The following SPPL2A variants were observed in gnomAD, a reference collection of about 807,000 sequenced individuals.
The protein encoded by SPPL2A is signal peptide peptidase-like 2A.
A neutral mutation model predicts 63.8 loss-of-function variants in SPPL2A; 51 were observed. The observed-to-expected ratio is 0.80, with a 90% CI of 0.64 to 1.01. The LOEUF is 1.01. Ranked by LOEUF, SPPL2A falls within the 50% of genes least tolerant of loss-of-function variation. The probability of loss-of-function intolerance (pLI) is 0.00; values close to 1 mark genes in which losing one functional copy is unlikely to be tolerated. For synonymous variants in SPPL2A, 188 were observed against 205.8 expected (o/e 0.91, Z 0.74); for missense variants, 553 against 622.7 (o/e 0.89, Z 1.19).
intron 8 of SPPL2A, 114 bp downstream of exon 8, chr15:50,735,987 A>T (rs1225322721): frequency 4.7e-6 from 3 of 633,522 alleles, no homozygotes; most frequent in African/African-American, 1.8e-5. Context: ...TCATTACAAG[A>T]CTGGTGTTCT....
intron 3 of SPPL2A, 118 bp from the exon 4 acceptor site, chr15:50,748,320 T>A: frequency 2.1e-6 from 1 of 465,572 alleles, no homozygotes; most frequent in Non-Finnish European, 3.7e-6. Flanking sequence ...AAATTTCAGG[T>A]ATTCTTTCTT....
intron 1 of SPPL2A, among the ~76,000 whole-genome samples, chr15:50,754,252 C>A (rs770602454): frequency 3.3e-5 from 5 of 152,156 alleles, no homozygotes; most frequent in Admixed American, 6.6e-5. Flanking sequence ...TTTGTTACAA[C>A]TGATGAACCT....
chr15:50,719,940 C>G lies in SPPL2A; in HGVS notation c.1488G>C (p.Gln496His), dbSNP rs182926903. ...TGGTAACCAAAGTATAAGCACATAC[C>G]TGATAGCTGTTACCTTTCCAGAACT... is the stretch of plus-strand genomic sequence containing the variant. ...MKKFWKGNSY[Q>H]MMDHLDCATN... Residue 496 changes from glutamine (Q) to histidine (H), a missense_variant and splice_region_variant, in exon 14 of 15, where the codon CAG becomes CAC. Coordinates refer to ENST00000261854, the MANE Select transcript of SPPL2A (RefSeq NM_032802.4). The G allele has an allele frequency of 1.2e-6, 2 of 1,608,372 alleles. No individual in the cohort carries two copies. The highest frequency in any genetic ancestry group is 2.2e-5 in the East Asian group (1 of 44,820).
chr15:50,748,017 T>C (rs1171207904), intron 4 of SPPL2A, 96 bp downstream of exon 4: 1 of 544,964 alleles, frequency 1.8e-6, no homozygotes, highest in African/African-American at 2.0e-5. Context: ...TGTTAGCAAA[T>C]GGAGCAAATA....
intron 7 of SPPL2A, 41 bp from the exon 8 acceptor site, chr15:50,736,243 A>AC: frequency 8.9e-7 from 1 of 1,126,334 alleles, no homozygotes; most frequent in Non-Finnish European, 1.4e-6. Context: ...CAGATGAAGT[A>AC]CAATGTTCAC....
rs1348246883 is a variant in SPPL2A at position 50,747,645 on chromosome 15, CAGTT to C, written c.451-21_451-18del. 1.9e-6 allele frequency: 3 copies of C among 1,577,908 alleles called. No homozygotes were observed. The highest frequency in any genetic ancestry group is 2.6e-6 in the Non-Finnish European group (3 of 1,155,786). ...TCCTAGAGTCTGAAAGGCAAAATAACAGTTAAACACAGGAATAACTTTTCTTTCT... is the reference window on the plus strand; with the variant it reads ...TCCTAGAGTCTGAAAGGCAAAATAACAAACACAGGAATAACTTTTCTTTCT... On this transcript the variant is annotated intron_variant, in intron 4 of 14. Coordinates refer to ENST00000261854, the MANE Select transcript of SPPL2A (RefSeq NM_032802.4).
intron 6 of SPPL2A, among the ~76,000 whole-genome samples, chr15:50,737,830 A>G (rs967313403): frequency 6.6e-6 from 1 of 151,952 alleles, no homozygotes; most frequent in Admixed American, 6.6e-5. Context: ...CCAACACTAT[A>G]GGAGGCCGAG....
chr15:50,746,436 CAAAAAAAA>C (rs71127139), intron 5 of SPPL2A, among the ~76,000 whole-genome samples: 11,100 of 87,096 alleles, frequency 0.13, 1,612 homozygotes, highest in African/African-American at 0.41. Context: ...GACTCTGTAT[CAAAAAAAA>C]AAAAAAAAAA....
chr15:50,735,750 T>A, intron 8 of SPPL2A, among the ~76,000 whole-genome samples: 1 of 152,090 alleles, frequency 6.6e-6, no homozygotes, highest in East Asian at 1.9e-4. Context: ...TAATTTTTTG[T>A]ATTTTTAGTA....
intron 5 of SPPL2A, among the ~76,000 whole-genome samples, chr15:50,741,997 T>C (rs2062825240): frequency 6.6e-6 from 1 of 152,050 alleles, no homozygotes. Flanking sequence ...ACAATTCATC[T>C]TTTTTGAAAA....
intron 1 of SPPL2A, among the ~76,000 whole-genome samples, chr15:50,754,206 T>C (rs990975999): frequency 6.6e-6 from 1 of 152,200 alleles, no homozygotes; most frequent in African/African-American, 2.4e-5. Flanking sequence ...ATGTGTAGCC[T>C]CTCCCAGTAT....
intron 5 of SPPL2A, among the ~76,000 whole-genome samples, chr15:50,741,172 T>C (rs2062817023): frequency 6.6e-6 from 1 of 152,122 alleles, no homozygotes; most frequent in African/African-American, 2.4e-5. Flanking sequence ...TACTGTCTCC[T>C]CCTAGTTATA....
At chr15:50,746,021 AG>A (rs1466603003) in intron 5 of SPPL2A, among the ~76,000 whole-genome samples, 2 of 152,086 alleles carry the variant, frequency 1.3e-5, no homozygotes, top group Non-Finnish European at 2.9e-5. Flanking sequence ...ACTGCACTCC[AG>A]CCTGCATGAC....
rs182530864 is a variant in SPPL2A, at chr15:50,704,668, T to A, written c.*3132A>T. 1 of 152,302 alleles carries A rather than the reference T, an allele frequency of 6.6e-6. No individual in the cohort carries two copies. The highest frequency in any genetic ancestry group is 1.9e-4 in the East Asian group (1 of 5,174). 9.4% of individuals were successfully genotyped at this position (152,302 alleles called of 1,614,324 possible). A position where few individuals can be genotyped will look rare whatever the true frequency, so the allele number is the denominator to read the frequency against. ...AAGAGAGGAAGAGATGGCAGCTTTTTAAGTGAAATTTTAATCTTATCTATC... is the reference window on the plus strand; with the variant it reads ...AAGAGAGGAAGAGATGGCAGCTTTTAAAGTGAAATTTTAATCTTATCTATC... On this transcript the variant is annotated 3_prime_UTR_variant, in exon 15 of 15. Coordinates refer to ENST00000261854, the MANE Select transcript of SPPL2A (RefSeq NM_032802.4).
In SPPL2A at chr15:50,702,619, T is replaced by C. The variant is rs2062484338; in HGVS notation, c.*5181A>G. 1 of 152,180 alleles carries C rather than the reference T, an allele frequency of 6.6e-6. No homozygotes were observed. Among genetic ancestry groups the C allele is most frequent in the African/African-American group, 2.4e-5 (1 of 41,450 alleles). 9.4% of individuals were successfully genotyped at this position (152,180 alleles called of 1,614,324 possible). On this transcript the variant is annotated 3_prime_UTR_variant, in exon 15 of 15. Transcript: ENST00000261854. The stretch of plus-strand genomic sequence containing the variant: ...TACATTGACTTGTCCTACTAGAAAA[T>C]GTTGCAGGTTAACTTTAGACATTAA...
intron 5 of SPPL2A, among the ~76,000 whole-genome samples, chr15:50,741,045 A>G (rs554782875): frequency 3.4e-4 from 52 of 152,354 alleles, no homozygotes; most frequent in Non-Finnish European, 6.8e-4. Flanking sequence ...TTTATTTAAG[A>G]TAACGAAATA....
chr15:50,746,436 C>CAAAAAAA (rs71127139), intron 5 of SPPL2A, among the ~76,000 whole-genome samples: 1 of 87,050 alleles, frequency 1.1e-5, no homozygotes, highest in African/African-American at 3.9e-5. Context: ...GACTCTGTAT[C>CAAAAAAA]AAAAAAAAAA....
In SPPL2A at chr15:50,736,195, A is replaced by G. The variant is rs2062770128; in HGVS notation, c.838T>C (p.Cys280Arg). The G allele has an allele frequency of 6.2e-7, 1 of 1,601,132 alleles. No homozygotes were observed. Among genetic ancestry groups the G allele is most frequent in the Admixed American group, 1.7e-5 (1 of 60,000 alleles). The change falls in exon 8 of 15, where the codon TGT (cysteine) becomes CGT (arginine). Residue 280 changes from cysteine (C) to arginine (R), a missense_variant. Transcript: ENST00000261854. ...CTCACTTCCATGTTTTTGCCACGACATGCAATCCTAAAAAACAGATTAAAA... is the reference window on the plus strand; with the variant it reads ...CTCACTTCCATGTTTTTGCCACGACGTGCAATCCTAAAAAACAGATTAAAA... ...KIPYGQCTIA[C>R]RGKNMEVRLI...
At chr15:50,720,233 C>G (rs62018798) in intron 13 of SPPL2A, 133 bp from the exon 14 acceptor site, 2 of 643,036 alleles carry the variant, frequency 3.1e-6, no homozygotes, top group African/African-American at 3.7e-5. Context: ...GTAATTTCAT[C>G]ATTTTCCTAG....
Sources: allele counts gnomAD v4.1 joint callset (sites outside exome capture counted in the v4.1 genomes callset), GRCh38; gene constraint gnomAD v4.1.1; transcripts MANE v1.5; gene names NCBI Gene and HGNC (gene_info 2026-07-23, HGNC 2026-07-21).